Variants in CAMTA1 observed in about 807,000 individuals in gnomAD.
CAMTA1 encodes the protein calmodulin binding transcription activator 1.
Under a neutral mutation model 170.9 loss-of-function variants are expected in CAMTA1, and 27 were observed. That is an observed-to-expected ratio of 0.16 (90% confidence interval 0.12 to 0.22). The LOEUF (loss-of-function observed/expected upper bound fraction) is 0.22. Among genes scored for constraint, CAMTA1 ranks in the 10% least tolerant of loss-of-function variants. The pLI is 1.00. For synonymous variants in CAMTA1, 833 were observed against 891.5 expected, an observed-to-expected ratio of 0.93 and a Z score of 1.17; for missense variants, 1,619 against 2,217.2, an observed-to-expected ratio of 0.73 and a Z score of 5.42.
At chr1:7,202,464 A>T (rs926697335) in intron 4 of CAMTA1, among the ~76,000 whole-genome samples, 3 of 152,192 alleles carry the variant, frequency 2.0e-5, no homozygotes, top group Non-Finnish European at 4.4e-5. Context: ...GACTCTGTAG[A>T]GCAGTTTGGA....
At chr1:7,542,462 G>A (rs1416124256) in intron 6 of CAMTA1, among the ~76,000 whole-genome samples, 1 of 152,000 alleles carries the variant, frequency 6.6e-6, no homozygotes, top group African/African-American at 2.4e-5. Flanking sequence ...TTGAGACAGA[G>A]TCTCACTTTG....
chr1:6,954,807 G>A (rs114314934), intron 3 of CAMTA1, among the ~76,000 whole-genome samples: 1,924 of 152,198 alleles, frequency 0.013, 32 homozygotes, highest in African/African-American at 0.038. Flanking sequence ...CAGCTGAGCT[G>A]GCGGGGCCCT....
chr1:7,655,653 CCA>C (rs1387184879), intron 7 of CAMTA1, among the ~76,000 whole-genome samples: 2 of 150,070 alleles, frequency 1.3e-5, no homozygotes, highest in Non-Finnish European at 3.0e-5. Context: ...CACTACACAC[CCA>C]CACACCTATG....
chr1:7,094,517 T>C (rs1045352549), intron 4 of CAMTA1, among the ~76,000 whole-genome samples: 3 of 152,196 alleles, frequency 2.0e-5, no homozygotes, highest in African/African-American at 7.2e-5. Context: ...CCCTATTAAA[T>C]TAATTGTTGT....
intron 22 of CAMTA1, among the ~76,000 whole-genome samples, chr1:7,760,321 G>A (rs1340093327): frequency 6.6e-6 from 1 of 152,190 alleles, no homozygotes; most frequent in East Asian, 1.9e-4. Context: ...GCTGCACTGG[G>A]TCATTACCAA....
chr1:6,863,201 T>G (rs1665400061), intron 3 of CAMTA1, among the ~76,000 whole-genome samples: 1 of 152,204 alleles, frequency 6.6e-6, no homozygotes, highest in Admixed American at 6.5e-5. Context: ...ATTAATTTGC[T>G]TAGCAAATTT....
At chr1:7,648,213 T>C (rs1460965606) in intron 7 of CAMTA1, among the ~76,000 whole-genome samples, 1 of 152,034 alleles carries the variant, frequency 6.6e-6, no homozygotes, top group African/African-American at 2.4e-5. Flanking sequence ...GACCATGTGG[T>C]GAAACCTGTT....
chr1:7,233,663 A>G (rs1663253205), intron 4 of CAMTA1, among the ~76,000 whole-genome samples: 1 of 152,146 alleles, frequency 6.6e-6, no homozygotes, highest in Non-Finnish European at 1.5e-5. Flanking sequence ...GCCAAGTCTA[A>G]GTGATCATCC....
At chr1:7,318,915 C>T (rs1047468111) in intron 5 of CAMTA1, among the ~76,000 whole-genome samples, 6 of 152,118 alleles carry the variant, frequency 3.9e-5, no homozygotes, top group South Asian at 4.2e-4. Context: ...CTAGGGAAAC[C>T]GGGAACATAT....
chr1:7,646,085 G>A (rs2148982491), intron 7 of CAMTA1, among the ~76,000 whole-genome samples: 1 of 151,756 alleles, frequency 6.6e-6, no homozygotes, highest in South Asian at 2.1e-4. Context: ...ATTGGGTGGA[G>A]GCCATGGTGA....
intron 3 of CAMTA1, among the ~76,000 whole-genome samples, chr1:6,826,970 C>T (rs897661672): frequency 1.3e-5 from 2 of 152,156 alleles, no homozygotes; most frequent in Non-Finnish European, 2.9e-5. Flanking sequence ...TTGCACCTTA[C>T]TAGTATATTA....
At chr1:6,958,591 C>T (rs1265655536) in intron 3 of CAMTA1, among the ~76,000 whole-genome samples, 1 of 152,186 alleles carries the variant, frequency 6.6e-6, no homozygotes, top group Non-Finnish European at 1.5e-5. Flanking sequence ...GAACCGTTCT[C>T]CCTGAACTGC....
At chr1:7,441,857 T>C (rs566485345) in intron 5 of CAMTA1, among the ~76,000 whole-genome samples, 1 of 152,122 alleles carries the variant, frequency 6.6e-6, no homozygotes, top group Non-Finnish European at 1.5e-5. Context: ...TGCCCACTTC[T>C]CCCTGCTCTT....
chr1:7,417,890 G>A (rs1044143399), intron 5 of CAMTA1, among the ~76,000 whole-genome samples: 1 of 152,076 alleles, frequency 6.6e-6, no homozygotes, highest in African/African-American at 2.4e-5. Context: ...CTATAGACCC[G>A]AGCTGTTCCT....
At chr1:7,060,355 C>T (rs770712153) in intron 3 of CAMTA1, among the ~76,000 whole-genome samples, 11 of 152,230 alleles carry the variant, frequency 7.2e-5, no homozygotes, top group Non-Finnish European at 1.6e-4. Context: ...TCCCTGATGT[C>T]TCTCTGTGTC....
At chr1:7,548,837 C>T (rs1330652681) in intron 6 of CAMTA1, among the ~76,000 whole-genome samples, 3 of 89,382 alleles carry the variant, frequency 3.4e-5, no homozygotes, top group South Asian at 5.1e-4. Context: ...GTGGAGGTGC[C>T]CGTGGAGGGT....
intron 3 of CAMTA1, among the ~76,000 whole-genome samples, chr1:6,842,487 G>A (rs1175692886): frequency 6.6e-6 from 1 of 152,216 alleles, no homozygotes; most frequent in African/African-American, 2.4e-5. Flanking sequence ...GAGTCTCAGG[G>A]ATAGGGCCCA....
At chr1:7,396,028 G>A (rs1429492038) in intron 5 of CAMTA1, among the ~76,000 whole-genome samples, 1 of 152,078 alleles carries the variant, frequency 6.6e-6, no homozygotes, top group African/African-American at 2.4e-5. Context: ...GTTATGGTTT[G>A]GATATTTGAC....
At chr1:7,718,179 T>C (rs1021787219) in intron 11 of CAMTA1, among the ~76,000 whole-genome samples, 1 of 152,188 alleles carries the variant, frequency 6.6e-6, no homozygotes, top group East Asian at 1.9e-4. Flanking sequence ...CTTGGCGCAG[T>C]CTTAGCCAGC....
Sources: allele counts gnomAD v4.1 joint callset (sites outside exome capture counted in the v4.1 genomes callset), GRCh38; gene constraint gnomAD v4.1.1; transcripts MANE v1.5; gene names NCBI Gene and HGNC (gene_info 2026-07-23, HGNC 2026-07-21).